The following CSNK1G1 variants were observed in gnomAD, a reference collection of about 807,000 sequenced individuals.
CSNK1G1 encodes casein kinase I isoform gamma-1.
A neutral mutation model predicts 59.6 loss-of-function variants in CSNK1G1; 22 were observed. That is an observed-to-expected ratio of 0.37 (90% confidence interval 0.26 to 0.53). The LOEUF (loss-of-function observed/expected upper bound fraction) is 0.53, where lower values mean the gene tolerates loss of function less well. Among genes scored for constraint, CSNK1G1 ranks in the 20% least tolerant of loss-of-function variants. CSNK1G1 has a pLI of 0.89. For missense variants in CSNK1G1, 384 were observed against 519.5 expected, an observed-to-expected ratio of 0.74 and a Z score of 2.54; for synonymous variants, 179 against 177.1, an observed-to-expected ratio of 1.01 and a Z score of -0.08.
At chr15:64,185,730 G>A (rs1473545134) in intron 10 of CSNK1G1, among the ~76,000 whole-genome samples, 2 of 151,900 alleles carry the variant, frequency 1.3e-5, no homozygotes, top group African/African-American at 4.8e-5. Flanking sequence ...TGGGTGTGGT[G>A]GCACGTGCCT....
At chr15:64,205,334 G>A (rs1229275035) in intron 7 of CSNK1G1, among the ~76,000 whole-genome samples, 1 of 152,138 alleles carries the variant, frequency 6.6e-6, no homozygotes, top group East Asian at 1.9e-4. Context: ...AGCTCTAAAA[G>A]TACTGCTAAT....
chr15:64,283,088 A>C (rs2055307290), intron 2 of CSNK1G1, among the ~76,000 whole-genome samples: 2 of 152,156 alleles, frequency 1.3e-5, no homozygotes, highest in African/African-American at 4.8e-5. Flanking sequence ...GGTGCACCAA[A>C]ATCTCAGAAA....
chr15:64,260,274 A>G (rs1892624154), intron 2 of CSNK1G1, among the ~76,000 whole-genome samples: 1 of 152,196 alleles, frequency 6.6e-6, no homozygotes. Context: ...CAAAATCTCG[A>G]CTGATTAAAA....
intron 1 of CSNK1G1, among the ~76,000 whole-genome samples, chr15:64,303,987 C>A (rs1380118172): frequency 6.6e-6 from 1 of 150,514 alleles, no homozygotes; most frequent in Non-Finnish European, 1.5e-5. Context: ...ACTTGTAGAA[C>A]AGAACAATCA....
At chr15:64,233,533 A>G (rs1344864565) in intron 4 of CSNK1G1, among the ~76,000 whole-genome samples, 2 of 152,218 alleles carry the variant, frequency 1.3e-5, no homozygotes, top group Non-Finnish European at 2.9e-5. Context: ...CAAGTCTCTT[A>G]CAGCATTATA....
intron 1 of CSNK1G1, among the ~76,000 whole-genome samples, chr15:64,351,587 T>G: frequency 6.6e-6 from 1 of 152,174 alleles, no homozygotes; most frequent in Non-Finnish European, 1.5e-5. Flanking sequence ...TCAAAATTAA[T>G]AGATTATCGG....
chr15:64,237,447 CA>C (rs2082631446), intron 4 of CSNK1G1, among the ~76,000 whole-genome samples: 1 of 152,100 alleles, frequency 6.6e-6, no homozygotes, highest in Admixed American at 6.6e-5. Context: ...ATTTTCTACC[CA>C]AATGAAGATC....
At chr15:64,194,023 C>T (rs950558239) in intron 10 of CSNK1G1, 20 of 152,452 alleles carry the variant, frequency 1.3e-4, no homozygotes, top group African/African-American at 3.6e-4. Context: ...GAACAGAAGA[C>T]GCTAAGGAAT....
At position 64,190,310 on chromosome 15, in the gene CSNK1G1, CA is replaced by C. The variant is rs2081953834; in HGVS notation, c.1108-9857del. Reference sequence around the variant, plus strand: ...TGCTGCTAGTTATGTTAGAGAGAATCAAAGCTACCCAAAATATTCCCCTACT... The same window carrying C: ...TGCTGCTAGTTATGTTAGAGAGAATCAAGCTACCCAAAATATTCCCCTACT... On this transcript the variant is annotated intron_variant, in intron 10 of 11. Transcript: ENST00000303052. 2.0e-5 allele frequency among the ~76,000 whole-genome samples: 3 copies of C among 152,300 alleles called. No individual in the cohort carries two copies. In the East Asian group the frequency reaches 5.8e-4, roughly 29 times the overall value.
intron 10 of CSNK1G1, among the ~76,000 whole-genome samples, chr15:64,183,823 C>T (rs2081852864): frequency 6.6e-6 from 1 of 151,098 alleles, no homozygotes; most frequent in African/African-American, 2.4e-5. Flanking sequence ...GCAACCTCTA[C>T]CTCCCGAGTT....
chr15:64,247,670 T>A (rs188029762), intron 4 of CSNK1G1, among the ~76,000 whole-genome samples: 22 of 152,298 alleles, frequency 1.4e-4, no homozygotes, highest in South Asian at 8.3e-4. Context: ...TTTTGTTCTA[T>A]CTCTACATAA....
At chr15:64,241,111 TA>T (rs1460191450) in intron 4 of CSNK1G1, among the ~76,000 whole-genome samples, 2 of 152,098 alleles carry the variant, frequency 1.3e-5, no homozygotes, top group Non-Finnish European at 2.9e-5. Flanking sequence ...CCCAACTATA[TA>T]CTGCCTACAA....
chr15:64,179,201 G>A (rs1294779096), intron 11 of CSNK1G1, among the ~76,000 whole-genome samples: 3 of 141,132 alleles, frequency 2.1e-5, no homozygotes, highest in East Asian at 1.9e-4. Context: ...AGCCATGATC[G>A]TGCCACTGCA....
intron 11 of CSNK1G1, among the ~76,000 whole-genome samples, chr15:64,172,814 T>C: frequency 6.6e-6 from 1 of 152,222 alleles, no homozygotes; most frequent in Middle Eastern, 3.2e-3. Context: ...CAAGTTCTGC[T>C]TCCTGGGGAC....
chr15:64,196,455 CTTT>C (rs869219108), intron 10 of CSNK1G1, among the ~76,000 whole-genome samples: 1 of 143,662 alleles, frequency 7.0e-6, no homozygotes. Flanking sequence ...ATCACCTGAA[CTTT>C]TTTTTTTTTT....
intron 2 of CSNK1G1, among the ~76,000 whole-genome samples, chr15:64,297,286 G>C (rs932375764): frequency 6.6e-6 from 1 of 152,060 alleles, no homozygotes; most frequent in Non-Finnish European, 1.5e-5. Context: ...ACAAGTGATA[G>C]AATGTTTCTC....
chr15:64,220,928 C>T (rs2082380730), intron 4 of CSNK1G1, among the ~76,000 whole-genome samples: 2 of 152,190 alleles, frequency 1.3e-5, no homozygotes, highest in Non-Finnish European at 2.9e-5. Flanking sequence ...CATCTAGAAT[C>T]ACCAGACATC....
At chr15:64,237,663 T>G (rs1282023927) in intron 4 of CSNK1G1, among the ~76,000 whole-genome samples, 1 of 152,212 alleles carries the variant, frequency 6.6e-6, no homozygotes, top group Non-Finnish European at 1.5e-5. Flanking sequence ...CTCCTAAGGA[T>G]GTTCACAACA....
At chr15:64,320,989 CT>C (rs72308631) in intron 1 of CSNK1G1, among the ~76,000 whole-genome samples, 6,619 of 151,918 alleles carry the variant, frequency 0.044, 443 homozygotes, top group African/African-American at 0.15. Flanking sequence ...TAAAAAGTAT[CT>C]TTTTCACCCT....
Sources: gnomAD v4.1 joint callset for allele counts (sites outside exome capture counted in the v4.1 genomes callset) on GRCh38, gnomAD v4.1.1 for gene constraint, MANE v1.5 for transcripts, NCBI Gene and HGNC (gene_info 2026-07-23, HGNC 2026-07-21) for gene names.